COL4A5: variants seen among roughly 807,000 people sequenced by gnomAD.
COL4A5 encodes the protein collagen type IV alpha 5 chain.
COL4A5 carries 26 observed loss-of-function variants against 130.2 expected under a neutral mutation model. That is an observed-to-expected ratio of 0.20 (90% CI 0.15 to 0.28). The LOEUF is 0.28. Among genes scored for constraint, COL4A5 ranks in the 10% least tolerant of loss-of-function variants. The pLI, the probability that COL4A5 is intolerant of heterozygous loss-of-function variation, is 1.00. For missense variants in COL4A5, 1,131 were observed against 1,344.3 expected, an observed-to-expected ratio of 0.84 and a Z score of 2.48; for synonymous variants, 496 against 439.6, an observed-to-expected ratio of 1.13 and a Z score of -1.60.
chrX:108,606,438 C>T (rs1324713519), intron 28 of COL4A5, among the ~76,000 whole-genome samples: 1 of 110,772 alleles, frequency 9.0e-6, no homozygotes, highest in Non-Finnish European at 1.9e-5. Context: ...TTATCTAATA[C>T]TCAGCCTATA....
intron 42 of COL4A5, chrX:108,674,318 A>G (rs1374355208): frequency 8.7e-6 from 1 of 115,135 alleles, no homozygotes; most frequent in East Asian, 2.7e-4. Flanking sequence ...AAAAGATAAC[A>G]CAAGCCAAGA....
Position 108,626,233 on chromosome X carries a change from CCTGGACCTT to C in COL4A5, c.3136_3144del (p.Pro1046_Gly1048del). On this transcript the variant is annotated inframe_deletion, in exon 36 of 53. Coordinates refer to ENST00000328300, the MANE Select transcript of COL4A5 (RefSeq NM_033380.3). ...AGGGCCTCAGGGTGTGGAAGGGCCT[CCTGGACCTT>C]CTGGAGTTCCTGGACAACCTGGCTC... 8.3e-7 allele frequency: 1 copy of C among 1,209,579 alleles called. No individual in the cohort carries two copies. Among genetic ancestry groups the C allele is most frequent in the Non-Finnish European group, 1.1e-6 (1 of 894,045 alleles).
chrX:108,629,850 G>A (rs1414742742), intron 36 of COL4A5, among the ~76,000 whole-genome samples: 2 of 108,265 alleles, frequency 1.8e-5, no homozygotes, highest in African/African-American at 6.7e-5. Context: ...GATGTCCCCC[G>A]CCCTGTGTCC....
rs28549139 is a variant in COL4A5 at position 108,587,045 on chromosome X, C to A, written c.1165+298C>A. 0.39 allele frequency among the ~76,000 whole-genome samples: 42,758 copies of A among 110,122 alleles called. 7,795 individuals are homozygous for A. The highest frequency in any genetic ancestry group is 0.72 in the East Asian group (2,522 of 3,479). ...ACATGTGATATTTTAATACATGAGTCCAATGTATAATGATTAAATCAAGGT... is the reference window on the plus strand; with the variant it reads ...ACATGTGATATTTTAATACATGAGTACAATGTATAATGATTAAATCAAGGT... On this transcript the variant is annotated intron_variant, in intron 19 of 52. Coordinates refer to ENST00000328300, the MANE Select transcript of COL4A5 (RefSeq NM_033380.3).
Position 108,680,660 on chromosome X carries a change from A to C in COL4A5, c.3943-19A>C. ...CTCGCTGCAATTTTTTTGTAACATTAATGATTTTATTTATTCAGGGTAATC... is the reference window on the plus strand; with the variant it reads ...CTCGCTGCAATTTTTTTGTAACATTCATGATTTTATTTATTCAGGGTAATC... On this transcript the variant is annotated intron_variant, in intron 44 of 52. Transcript: ENST00000328300. 8.4e-7 allele frequency: 1 copy of C among 1,197,343 alleles called. No individual in the cohort carries two copies. The highest frequency in any genetic ancestry group is 1.8e-5 in the South Asian group (1 of 56,616).
chrX:108,440,224 T>A lies in COL4A5; in HGVS notation c.81+18T>A. Reference sequence around the variant, plus strand: ...AGGCTGCGGTAAGTCCTTCCTCCCCTCCCCCGCGCCCATCACCGCTCTTTC... The same window carrying A: ...AGGCTGCGGTAAGTCCTTCCTCCCCACCCCCGCGCCCATCACCGCTCTTTC... On this transcript the variant is annotated intron_variant, in intron 1 of 52. Coordinates refer to ENST00000328300, the MANE Select transcript of COL4A5 (RefSeq NM_033380.3). 9.1e-7 allele frequency: 1 copy of A among 1,104,964 alleles called. No individual in the cohort carries two copies. The highest frequency in any genetic ancestry group is 1.2e-6 in the Non-Finnish European group (1 of 806,133). The allele number at this position is 1,104,964 out of a possible 1,213,427, so 91.1% of individuals were successfully genotyped here.
At chrX:108,529,393 C>T (rs1297920022) in intron 1 of COL4A5, among the ~76,000 whole-genome samples, 1 of 110,946 alleles carries the variant, frequency 9.0e-6, no homozygotes, top group Non-Finnish European at 1.9e-5. Flanking sequence ...CACAGATAAA[C>T]CAGTCAATCA....
chrX:108,626,765 G>A, intron 36 of COL4A5: 1 of 829,678 alleles, frequency 1.2e-6, no homozygotes, highest in Non-Finnish European at 1.5e-6. Flanking sequence ...GCGTGTCTGA[G>A]ATAGTCCTCT....
At chrX:108,694,558 G>A (rs1185796731) in intron 50 of COL4A5, 4 of 396,257 alleles carry the variant, frequency 1.0e-5, no homozygotes, top group South Asian at 6.9e-5. Flanking sequence ...GACATTTAGG[G>A]CATAATGGAA....
rs781337825 is a variant in COL4A5, at chrX:108,620,353, C to T, written c.2604C>T (p.Pro868=). The T allele has an allele frequency of 9.0e-5, 109 of 1,205,983 alleles. No homozygotes were observed. The highest frequency in any genetic ancestry group is 2.4e-4 in the Middle Eastern group (1 of 4,136). The stretch of plus-strand genomic sequence containing the variant: ...GTGAAAGAGGCAGTCCAGGGATCCC[C>T]GGAGCACCTGGTCCTATAGGACCTC... ...PPGERGSPGI[P]GAPGPIGPPG... The change falls in exon 31 of 53, where the codon CCC becomes CCT. Residue 868 remains proline, a synonymous_variant. Coordinates refer to ENST00000328300, the MANE Select transcript of COL4A5 (RefSeq NM_033380.3).
At chrX:108,647,062 A>C (rs1186663116) in intron 36 of COL4A5, among the ~76,000 whole-genome samples, 1 of 110,941 alleles carries the variant, frequency 9.0e-6, no homozygotes, top group African/African-American at 3.3e-5. Flanking sequence ...TTGGTGATGC[A>C]GGCTCTTTTT....
At chrX:108,581,752 GGTTT>G (rs1031089057) in intron 16 of COL4A5, among the ~76,000 whole-genome samples, 8 of 109,826 alleles carry the variant, frequency 7.3e-5, no homozygotes, top group East Asian at 5.7e-4. Context: ...AATATACCAT[GGTTT>G]GTTTGTCCAT....
intron 49 of COL4A5, among the ~76,000 whole-genome samples, chrX:108,689,159 A>G (rs2068604229): frequency 9.0e-6 from 1 of 111,282 alleles, no homozygotes. Context: ...AAATTTTATA[A>G]TTGACCAATC....
At chrX:108,442,009 A>G (rs1482512839) in intron 1 of COL4A5, among the ~76,000 whole-genome samples, 2 of 111,990 alleles carry the variant, frequency 1.8e-5, no homozygotes, top group African/African-American at 6.5e-5. Context: ...TTTTCCTCCT[A>G]TATAATTTTT....
At chrX:108,542,498 A>G (rs2065561103) in intron 2 of COL4A5, among the ~76,000 whole-genome samples, 1 of 110,819 alleles carries the variant, frequency 9.0e-6, no homozygotes, top group African/African-American at 3.3e-5. Flanking sequence ...TTCTTAATCC[A>G]GCCTATCATT....
At chrX:108,605,789 T>C (rs1427613823) in intron 28 of COL4A5, among the ~76,000 whole-genome samples, 1 of 112,425 alleles carries the variant, frequency 8.9e-6, no homozygotes, top group Non-Finnish European at 1.9e-5. Context: ...TGATGATTGG[T>C]TGAAATGGTG....
chrX:108,557,396 C>T (rs2065838219), intron 2 of COL4A5, among the ~76,000 whole-genome samples: 1 of 111,485 alleles, frequency 9.0e-6, no homozygotes, highest in Non-Finnish European at 1.9e-5. Context: ...CTAATTAAAA[C>T]AACAAGGGGA....
intron 1 of COL4A5, among the ~76,000 whole-genome samples, chrX:108,484,505 G>A (rs2064925563): frequency 1.8e-5 from 2 of 112,560 alleles, no homozygotes; most frequent in African/African-American, 6.5e-5. Context: ...AGCCGTATCT[G>A]CATTAGGGAA....
At chrX:108,511,853 A>G (rs1423728101) in intron 1 of COL4A5, among the ~76,000 whole-genome samples, 1 of 111,984 alleles carries the variant, frequency 8.9e-6, no homozygotes, top group East Asian at 2.8e-4. Context: ...AAATCTATAG[A>G]GACAGAAACT....
Sources: gnomAD v4.1 joint callset for allele counts (sites outside exome capture counted in the v4.1 genomes callset) on GRCh38, gnomAD v4.1.1 for gene constraint, MANE v1.5 for transcripts, NCBI Gene and HGNC (gene_info 2026-07-23, HGNC 2026-07-21) for gene names.